The following P4HA1 variants were observed in gnomAD, a reference collection of about 807,000 sequenced individuals.
P4HA1 encodes the protein prolyl 4-hydroxylase subunit alpha-1.
In P4HA1, 24 loss-of-function variants were observed where a neutral mutation model predicts 72.8. The observed-to-expected ratio is 0.33, with a 90% CI of 0.24 to 0.46. The LOEUF (loss-of-function observed/expected upper bound fraction) is 0.46. Ranked by LOEUF, P4HA1 falls within the 20% of genes least tolerant of loss-of-function variation. P4HA1 has a pLI of 1.00. For synonymous variants in P4HA1, 201 were observed against 218.8 expected (o/e 0.92, Z 0.72); for missense variants, 446 against 640.6 (o/e 0.70, Z 3.28).
chr10:73,024,387 TGA>T (rs1761426426), intron 10 of P4HA1, among the ~76,000 whole-genome samples: 1 of 152,242 alleles, frequency 6.6e-6, no homozygotes, highest in South Asian at 2.1e-4. Flanking sequence ...TGCTCCTGAA[TGA>T]CTACTGGGTA....
chr10:73,070,241 T>C (rs1841529088), intron 4 of P4HA1, among the ~76,000 whole-genome samples: 1 of 127,344 alleles, frequency 7.9e-6, no homozygotes, highest in African/African-American at 3.0e-5. Flanking sequence ...CATGGCAACC[T>C]CCAACTCCCG....
intron 10 of P4HA1, among the ~76,000 whole-genome samples, chr10:73,020,033 A>C (rs1258229436): frequency 1.3e-5 from 2 of 152,120 alleles, no homozygotes; most frequent in Non-Finnish European, 2.9e-5. Context: ...AAGGGTATCC[A>C]ACTCCAGGAA....
chr10:73,050,651 G>C (rs1471347810), intron 7 of P4HA1, among the ~76,000 whole-genome samples: 5 of 149,766 alleles, frequency 3.3e-5, no homozygotes, highest in African/African-American at 1.2e-4. Flanking sequence ...AGTGAGCCGA[G>C]ATCATGCCAC....
In P4HA1 at chr10:73,053,348, T is replaced by C. The variant is rs759911959; in HGVS notation, c.703+3A>G. 6.2e-7 allele frequency: 1 copy of C among 1,613,728 alleles called. No individual in the cohort carries two copies. Among genetic ancestry groups the C allele is most frequent in the Non-Finnish European group, 8.5e-7 (1 of 1,179,734 alleles). On this transcript the variant is annotated splice_donor_region_variant and intron_variant, in intron 6 of 14. Coordinates refer to ENST00000394890, the MANE Select transcript of P4HA1 (RefSeq NM_001017962.3). ...AACCTTAAATTAGGCCCAGATAACA[T>C]ACCTAGTTCAAGAAGCTTCTTTGTG... is the stretch of plus-strand genomic sequence containing the variant.
intron 10 of P4HA1, among the ~76,000 whole-genome samples, chr10:73,029,483 A>C (rs560277994): frequency 4.3e-4 from 66 of 151,876 alleles, no homozygotes; most frequent in African/African-American, 1.5e-3. Flanking sequence ...TTTTTAGTGC[A>C]CATTTTGATA....
chr10:73,014,281 C>T lies in P4HA1; in HGVS notation c.1311G>A (p.Glu437=). The change falls in exon 12 of 15, where the codon GAG becomes GAA. Residue 437 remains glutamate (E), a synonymous_variant. Transcript: ENST00000394890. The part of the protein sequence containing the change: ...EPHFDFARKD[E]PDAFKELGTG... ...TCCCCAGCTCTTTGAAAGCATCTGG[C>T]TCATCTTTCTGTGAATAAAAACACA... 1 of 1,611,660 alleles carries T rather than the reference C, an allele frequency of 6.2e-7. No individual in the cohort carries two copies.
intron 4 of P4HA1, among the ~76,000 whole-genome samples, 166 bp downstream of exon 4, chr10:73,071,863 T>C (rs1474390099): frequency 2.6e-5 from 4 of 152,174 alleles, no homozygotes; most frequent in Admixed American, 2.6e-4. Context: ...ATCAAAGAAT[T>C]CAGGATTTTG....
chr10:73,074,568 A>G (rs1003109076), intron 2 of P4HA1, among the ~76,000 whole-genome samples: 2 of 152,174 alleles, frequency 1.3e-5, no homozygotes, highest in Admixed American at 6.5e-5. Context: ...TATTACTTGT[A>G]TATCTGTGCA....
chr10:73,027,463 G>A (rs1269014067), intron 10 of P4HA1, among the ~76,000 whole-genome samples: 1 of 150,978 alleles, frequency 6.6e-6, no homozygotes, highest in Non-Finnish European at 1.5e-5. Context: ...TGGGGGGCTG[G>A]GGGAGGAATA....
intron 1 of P4HA1, among the ~76,000 whole-genome samples, chr10:73,091,481 C>A (rs373896210): frequency 2.5e-3 from 383 of 152,134 alleles, no homozygotes; most frequent in African/African-American, 8.8e-3. Context: ...ATAAACATTT[C>A]TTGATCATAT....
intron 1 of P4HA1, among the ~76,000 whole-genome samples, chr10:73,093,897 TATATATATATACAC>T (rs1433013713): frequency 5.5e-4 from 42 of 76,476 alleles, no homozygotes; most frequent in African/African-American, 2.5e-3. Flanking sequence ...TATATATATA[TATATATATATACAC>T]ACACACACAC....
intron 9 of P4HA1, among the ~76,000 whole-genome samples, chr10:73,042,352 C>G (rs1323770303): frequency 6.6e-6 from 1 of 152,158 alleles, no homozygotes; most frequent in Admixed American, 6.5e-5. Context: ...TCGGTCCAGC[C>G]TAATCTTTTT....
At chr10:73,081,816 C>T (rs2133151807) in intron 1 of P4HA1, among the ~76,000 whole-genome samples, 1 of 152,264 alleles carries the variant, frequency 6.6e-6, no homozygotes, top group South Asian at 2.1e-4. Context: ...TGGCGGATCA[C>T]GAGGTCAGGA....
Position 73,019,797 on chromosome 10 carries a change from C to A in P4HA1, c.1249-2898G>T, listed in dbSNP as rs1242555475. Among the ~76,000 whole-genome samples the A allele has an allele frequency of 8.1e-5, 12 of 148,264 alleles. 1 individual carries two copies. Among genetic ancestry groups the A allele is most frequent in the African/African-American group, 3.0e-4 (12 of 40,080 alleles). On this transcript the variant is annotated intron_variant, in intron 10 of 14. Transcript: ENST00000394890. ...TACAATACAAAGCTGCACCAGCACA[C>A]TTGATTAAGCAAAACAATCTCTGAA...
chr10:73,063,179 T>C (rs1841348769), intron 5 of P4HA1, among the ~76,000 whole-genome samples: 3 of 152,220 alleles, frequency 2.0e-5, no homozygotes. Flanking sequence ...AAAAACAAAT[T>C]TATTTTCTCA....
At chr10:73,016,514 C>T (rs1380046121) in intron 11 of P4HA1, among the ~76,000 whole-genome samples, 5 of 152,334 alleles carry the variant, frequency 3.3e-5, no homozygotes, top group Admixed American at 6.5e-5. Context: ...CAGTGGCTCA[C>T]GCCTGTAATC....
At chr10:73,018,208 C>A (rs1467688414) in intron 10 of P4HA1, among the ~76,000 whole-genome samples, 10 of 152,268 alleles carry the variant, frequency 6.6e-5, no homozygotes, top group Admixed American at 1.3e-4. Flanking sequence ...TTGGCAGAAC[C>A]CTGCATCCCA....
intron 5 of P4HA1, among the ~76,000 whole-genome samples, chr10:73,056,064 G>A (rs1841141686): frequency 6.6e-6 from 1 of 152,170 alleles, no homozygotes. Context: ...TCAGCAATAA[G>A]AGAAAAGAAG....
chr10:73,086,933 CAAAAAAAAAAA>C (rs59200288), intron 1 of P4HA1, among the ~76,000 whole-genome samples: 21 of 33,096 alleles, frequency 6.3e-4, no homozygotes, highest in African/African-American at 1.9e-3. Flanking sequence ...GAGTGCATCT[CAAAAAAAAAAA>C]AAAAAAAAAA....
Sources: allele counts gnomAD v4.1 joint callset (sites outside exome capture counted in the v4.1 genomes callset), GRCh38; gene constraint gnomAD v4.1.1; transcripts MANE v1.5; gene names NCBI Gene and HGNC (gene_info 2026-07-23, HGNC 2026-07-21).